SMOC2: variants seen among roughly 807,000 people sequenced by gnomAD.
The protein encoded by SMOC2 is SPARC-related modular calcium-binding protein 2.
A neutral mutation model predicts 61.4 loss-of-function variants in SMOC2; 39 were observed. The observed-to-expected ratio is 0.64, with a 90% CI of 0.49 to 0.83. SMOC2 has a LOEUF of 0.83. SMOC2 is among the 40% of genes least tolerant of loss of function. The pLI is 0.00. For synonymous variants in SMOC2, 247 were observed against 239.9 expected (o/e 1.03, Z -0.27); for missense variants, 556 against 592.9 (o/e 0.94, Z 0.65).
At chr6:168,649,966 C>A (rs532558587) in intron 9 of SMOC2, among the ~76,000 whole-genome samples, 1 of 152,154 alleles carries the variant, frequency 6.6e-6, no homozygotes, top group East Asian at 1.9e-4. Flanking sequence ...TGGGGTGGGA[C>A]GAGTGTCTCA....
At position 168,656,555 on chromosome 6, in the gene SMOC2, G is replaced by GA. The variant is rs5881806; in HGVS notation, c.1285+3339dup. ...AGAAAAGAAAAGAAAAAGAGAAAAG[G>GA]AAAAAAAAAAAACCCTCCCATGTTT... is the stretch of plus-strand genomic sequence containing the variant. On this transcript the variant is annotated intron_variant, in intron 11 of 12. Transcript: ENST00000356284. 1.7e-3 allele frequency among the ~76,000 whole-genome samples: 226 copies of GA among 136,034 alleles called. 1 individual carries two copies. The highest frequency in any genetic ancestry group is 3.3e-3 in the South Asian group (14 of 4,182). 89.2% of individuals were successfully genotyped at this position (136,034 alleles called of 152,430 possible). A position where few individuals can be genotyped will look rare whatever the true frequency, so the allele number is the denominator to read the frequency against.
At chr6:168,630,181 G>C (rs1450304089) in intron 9 of SMOC2, among the ~76,000 whole-genome samples, 2 of 152,190 alleles carry the variant, frequency 1.3e-5, no homozygotes, top group African/African-American at 4.8e-5. Context: ...AAGAAGACAG[G>C]CCCTCTTAGC....
intron 1 of SMOC2, among the ~76,000 whole-genome samples, chr6:168,498,795 C>T (rs866599192): frequency 1.1e-4 from 13 of 121,290 alleles, no homozygotes; most frequent in African/African-American, 3.5e-4. Flanking sequence ...CCCTACGAGT[C>T]AGAGTCTCTG....
chr6:168,588,736 G>C lies in SMOC2; in HGVS notation c.638-10082G>C, dbSNP rs142638739. On this transcript the variant is annotated intron_variant, in intron 7 of 12. Coordinates refer to ENST00000356284, the MANE Select transcript of SMOC2 (RefSeq NM_001166412.2). ...CACTGTGCAACCTGCCATATTTTTG[G>C]AATGACTACTACAGACTTAAATACA... Among the ~76,000 whole-genome samples, 1,502 of 152,164 alleles carry C rather than the reference G, an allele frequency of 9.9e-3. 10 individuals are homozygous for C. Among genetic ancestry groups the C allele is most frequent in the Middle Eastern group, 0.02 (6 of 294 alleles).
chr6:168,504,731 C>T (rs576077728), intron 1 of SMOC2, among the ~76,000 whole-genome samples: 2 of 152,226 alleles, frequency 1.3e-5, no homozygotes, highest in African/African-American at 2.4e-5. Flanking sequence ...TGTGGATGTA[C>T]ATTTCTGCCC....
chr6:168,626,828 C>T (rs1020467097), intron 9 of SMOC2, among the ~76,000 whole-genome samples: 9 of 152,184 alleles, frequency 5.9e-5, no homozygotes, highest in African/African-American at 2.2e-4. Flanking sequence ...TTGGGCTACA[C>T]CTGCTTGAAT....
intron 7 of SMOC2, among the ~76,000 whole-genome samples, chr6:168,577,588 C>T (rs1330276346): frequency 2.0e-5 from 3 of 152,184 alleles, no homozygotes; most frequent in Non-Finnish European, 4.4e-5. Context: ...TTGCTAAGAT[C>T]GCCAGTGGCT....
At chr6:168,451,745 C>T (rs1055303170) in intron 1 of SMOC2, among the ~76,000 whole-genome samples, 23 of 152,288 alleles carry the variant, frequency 1.5e-4, no homozygotes, top group African/African-American at 5.1e-4. Context: ...TTTTAGGATA[C>T]GCAGATCTGT....
intron 1 of SMOC2, among the ~76,000 whole-genome samples, chr6:168,455,746 T>C (rs2114997783): frequency 6.6e-6 from 1 of 152,268 alleles, no homozygotes; most frequent in Non-Finnish European, 1.5e-5. Context: ...TCCGAAACCT[T>C]GAACTTAGAG....
chr6:168,645,811 C>T (rs1787015249), intron 9 of SMOC2, among the ~76,000 whole-genome samples: 3 of 152,176 alleles, frequency 2.0e-5, no homozygotes, highest in African/African-American at 7.2e-5. Context: ...CTGTCCCCCT[C>T]ACATCAGGCC....
rs188115106 is a variant in SMOC2 at position 168,607,284 on chromosome 6, G to A, written c.825-873G>A. Among the ~76,000 whole-genome samples, 348 of 152,242 alleles carry A rather than the reference G, an allele frequency of 2.3e-3. 2 individuals carry two copies. Among genetic ancestry groups the A allele is most frequent in the Non-Finnish European group, 5.1e-4 (35 of 68,002 alleles). On this transcript the variant is annotated intron_variant, in intron 8 of 12. Transcript: ENST00000356284. ...GAGGCTGGTGGTCTGCGTGGCAGGG[G>A]TCTCCTCCTTGCCCTACACCCAGGA...
intron 7 of SMOC2, among the ~76,000 whole-genome samples, chr6:168,563,656 A>G (rs922005019): frequency 6.6e-6 from 1 of 152,134 alleles, no homozygotes; most frequent in Admixed American, 6.5e-5. Context: ...GAGGCCCAGG[A>G]GACCCTTGCC....
chr6:168,452,797 C>A lies in SMOC2; in HGVS notation c.84+11343C>A, dbSNP rs1276713015. ...CCAAACATATCTGTAGGTTGTCTGG[C>A]CAACTTTATTCTAGAAGGCAGCAGG... On this transcript the variant is annotated intron_variant, in intron 1 of 12. Coordinates refer to ENST00000356284, the MANE Select transcript of SMOC2 (RefSeq NM_001166412.2). The surrounding 1 kb of genome is among the most constrained non-coding windows in gnomAD (Gnocchi z 5.0). Among the ~76,000 whole-genome samples the A allele has an allele frequency of 6.6e-6, 1 of 152,192 alleles. No homozygotes were observed. The highest frequency in any genetic ancestry group is 1.5e-5 in the Non-Finnish European group (1 of 68,034).
intron 9 of SMOC2, among the ~76,000 whole-genome samples, chr6:168,625,520 T>C (rs1786383655): frequency 6.6e-6 from 1 of 152,234 alleles, no homozygotes; most frequent in Admixed American, 6.5e-5. Flanking sequence ...ACATTTGCTT[T>C]TGGTGGTTTT....
intron 7 of SMOC2, among the ~76,000 whole-genome samples, chr6:168,550,380 T>G (rs1784103286): frequency 6.6e-6 from 1 of 151,958 alleles, no homozygotes; most frequent in Non-Finnish European, 1.5e-5. Flanking sequence ...AGACTAAGAG[T>G]GGTTCGATTC....
chr6:168,613,112 C>A (rs1055945203), intron 9 of SMOC2, among the ~76,000 whole-genome samples: 3 of 152,178 alleles, frequency 2.0e-5, no homozygotes, highest in African/African-American at 7.2e-5. Flanking sequence ...TCTACACTGG[C>A]AGGGAACGCT....
chr6:168,603,144 C>T (rs140006832), intron 8 of SMOC2, among the ~76,000 whole-genome samples: 8 of 152,090 alleles, frequency 5.3e-5, no homozygotes, highest in Admixed American at 2.0e-4. Context: ...TCCATCCTGC[C>T]GCCCTGTGAA....
At chr6:168,631,484 T>C (rs939954863) in intron 9 of SMOC2, among the ~76,000 whole-genome samples, 4 of 152,114 alleles carry the variant, frequency 2.6e-5, no homozygotes, top group Admixed American at 6.5e-5. Flanking sequence ...TTATTAACAA[T>C]GAGAAAGATG....
At chr6:168,543,917 A>G (rs1322712100) in intron 5 of SMOC2, among the ~76,000 whole-genome samples, 2 of 152,232 alleles carry the variant, frequency 1.3e-5, no homozygotes, top group Non-Finnish European at 2.9e-5. Flanking sequence ...CCAACGGCAG[A>G]TGCTGTTAGG....
Sources: allele counts gnomAD v4.1 joint callset (sites outside exome capture counted in the v4.1 genomes callset), GRCh38; gene constraint gnomAD v4.1.1; non-coding constraint Gnocchi (gnomAD v3.1); transcripts MANE v1.5; gene names NCBI Gene and HGNC (gene_info 2026-07-23, HGNC 2026-07-21).